The following SLC28A3 variants were observed in gnomAD, a reference collection of about 807,000 sequenced individuals.
The protein encoded by SLC28A3 is concentrative Na(+)-nucleoside cotransporter 3.
SLC28A3 carries 68 observed loss-of-function variants against 84.2 expected under a neutral mutation model. The observed-to-expected ratio is 0.81, with a 90% CI of 0.66 to 0.99. SLC28A3 has a LOEUF of 0.99. SLC28A3 is among the 50% of genes least tolerant of loss of function. The pLI, the probability that SLC28A3 is intolerant of heterozygous loss-of-function variation, is 0.00. For synonymous variants in SLC28A3, 267 were observed against 303.6 expected (o/e 0.88, Z 1.25); for missense variants, 712 against 841.5 (o/e 0.85, Z 1.90).
intron 1 of SLC28A3, among the ~76,000 whole-genome samples, chr9:84,315,078 C>CA (rs1327331243): frequency 6.7e-6 from 1 of 149,280 alleles, no homozygotes; most frequent in African/African-American, 2.5e-5. Context: ...GACTCAGTCT[C>CA]AAAAAACAAA....
chr9:84,279,854 A>G, intron 16 of SLC28A3, 121 bp downstream of exon 16: 1 of 874,134 alleles, frequency 1.1e-6, no homozygotes. Context: ...GCTTAAGAGC[A>G]GCTCTAACTC....
the SLC28A3 span, among the ~76,000 whole-genome samples, chr9:84,357,336 T>A: frequency 1.3e-5 from 2 of 152,194 alleles, no homozygotes; most frequent in Non-Finnish European, 2.9e-5. Flanking sequence ...CTTCCAAGAC[T>A]GTTTTGAGTC....
chr9:84,317,059 AT>A (rs1186127875), intron 1 of SLC28A3, among the ~76,000 whole-genome samples: 1 of 152,260 alleles, frequency 6.6e-6, no homozygotes, highest in African/African-American at 2.4e-5. Flanking sequence ...GGTGGGTACC[AT>A]GATCCACATT....
At chr9:84,294,947 G>A (rs760762843) in intron 8 of SLC28A3, among the ~76,000 whole-genome samples, 11 of 152,162 alleles carry the variant, frequency 7.2e-5, no homozygotes, top group Admixed American at 5.2e-4. Context: ...TGAAGGTTGG[G>A]AGGTGGAGGT....
the SLC28A3 span, among the ~76,000 whole-genome samples, chr9:84,360,890 C>A: frequency 1.7e-4 from 26 of 152,122 alleles, no homozygotes; most frequent in African/African-American, 6.0e-4. Flanking sequence ...GGTGACAGAG[C>A]AAGACCTTGT....
chr9:84,346,005 TC>T, the SLC28A3 span, among the ~76,000 whole-genome samples: 1 of 152,122 alleles, frequency 6.6e-6, no homozygotes, highest in Non-Finnish European at 1.5e-5. Context: ...TTTAAACAAT[TC>T]CCCAGTCATG....
At chr9:84,344,605 A>G (rs1455086898), upstream of SLC28A3, among the ~76,000 whole-genome samples, 1 of 152,202 alleles carries the variant, frequency 6.6e-6, no homozygotes, top group Non-Finnish European at 1.5e-5. Flanking sequence ...TTTCTTTGAC[A>G]TATTTTGAAA....
At chr9:84,281,172 C>T (rs925589717) in intron 14 of SLC28A3, among the ~76,000 whole-genome samples, 6 of 152,144 alleles carry the variant, frequency 3.9e-5, no homozygotes, top group Non-Finnish European at 7.3e-5. Flanking sequence ...TCTAATATTC[C>T]ATATGACCTG....
rs1825551326 is a variant in SLC28A3, at chr9:84,299,686, C to G, written c.564G>C (p.Trp188Cys). The change falls in exon 6 of 18, where the codon TGG (tryptophan) becomes TGC (cysteine). Residue 188 changes from tryptophan to cysteine, a missense_variant. Trp to Cys is a radical substitution (Grantham distance 215, BLOSUM62 -2). Transcript: ENST00000376238. ...CCAATTTGGCAGTGTCAAAGGCCAA[C>G]CAGAAAATAACTGCTAGGACCAGGG... is the stretch of plus-strand genomic sequence containing the variant. ...WSSLVLAVIFWLAFDTAKLGQ... is the reference protein window; with the variant it reads ...WSSLVLAVIFCLAFDTAKLGQ... 2 of 1,611,948 alleles carry G rather than the reference C, an allele frequency of 1.2e-6. No homozygotes were observed. The highest frequency in any genetic ancestry group is 2.2e-5 in the South Asian group (2 of 90,446).
At chr9:84,292,261 C>T (rs1002278192) in intron 10 of SLC28A3, among the ~76,000 whole-genome samples, 1 of 152,148 alleles carries the variant, frequency 6.6e-6, no homozygotes, top group Admixed American at 6.5e-5. Context: ...AGTGGAAGAG[C>T]TACCAGCCTC....
intron 1 of SLC28A3, among the ~76,000 whole-genome samples, chr9:84,340,320 G>A (rs1458080684): frequency 6.6e-6 from 1 of 151,968 alleles, no homozygotes; most frequent in Non-Finnish European, 1.5e-5. Flanking sequence ...AGCCAGAAGG[G>A]AAAAAAGGCA....
At chr9:84,280,231 T>C (rs1322368532) in intron 15 of SLC28A3, among the ~76,000 whole-genome samples, 158 bp from the exon 16 acceptor site, 1 of 151,440 alleles carries the variant, frequency 6.6e-6, no homozygotes, top group African/African-American at 2.4e-5. Context: ...AACTTAGTAA[T>C]AAACTCCACA....
rs758262359 is a variant in SLC28A3, at chr9:84,299,568, A to G, written c.669+13T>C. 1.9e-6 allele frequency: 3 copies of G among 1,613,700 alleles called. No individual in the cohort carries two copies. Among genetic ancestry groups the G allele is most frequent in the Middle Eastern group, 1.7e-4 (1 of 6,054 alleles). ...AAAGAAAAAAGAACCTAAAAGATCAACTGGATACTTACTCTGGTTGGGTAC... is the reference window on the plus strand; with the variant it reads ...AAAGAAAAAAGAACCTAAAAGATCAGCTGGATACTTACTCTGGTTGGGTAC... On this transcript the variant is annotated intron_variant, in intron 6 of 17. Coordinates refer to ENST00000376238, the MANE Select transcript of SLC28A3 (RefSeq NM_001199633.2).
the SLC28A3 span, among the ~76,000 whole-genome samples, chr9:84,367,971 G>T: frequency 6.6e-6 from 1 of 152,032 alleles, no homozygotes; most frequent in Non-Finnish European, 1.5e-5. Flanking sequence ...TATCTCAACC[G>T]CAAAGAGGCC....
chr9:84,285,655 C>G, intron 13 of SLC28A3, 113 bp from the exon 14 acceptor site: 1 of 1,154,676 alleles, frequency 8.7e-7, no homozygotes, highest in Non-Finnish European at 1.2e-6. Flanking sequence ...AAAGAAATTC[C>G]TTCTTCCCTT....
chr9:84,311,917 C>T (rs533714364), intron 2 of SLC28A3, among the ~76,000 whole-genome samples: 3 of 152,288 alleles, frequency 2.0e-5, no homozygotes, highest in Non-Finnish European at 4.4e-5. Context: ...CTTGAAAGCA[C>T]TATTTACTGT....
At chr9:84,339,374 C>T (rs1255820523) in intron 1 of SLC28A3, among the ~76,000 whole-genome samples, 6 of 152,070 alleles carry the variant, frequency 3.9e-5, no homozygotes, top group South Asian at 2.1e-4. Context: ...CTCGGCCTCC[C>T]GAGTAGCTGG....
chr9:84,285,365 C>A lies in SLC28A3; in HGVS notation c.1627G>T (p.Gly543Cys). The A allele has an allele frequency of 6.2e-7, 1 of 1,613,990 alleles. No homozygotes were observed. Among genetic ancestry groups the A allele is most frequent in the Non-Finnish European group, 8.5e-7 (1 of 1,179,970 alleles). The change falls in exon 14 of 18, where the codon GGT (glycine) becomes TGT (cysteine). Residue 543 changes from glycine (G) to cysteine (C), a missense_variant. Coordinates refer to ENST00000376238, the MANE Select transcript of SLC28A3 (RefSeq NM_001199633.2). ...RKEGGPKFVNGVQQYISIRSE... is the reference protein window; with the variant it reads ...RKEGGPKFVNCVQQYISIRSE... ...CTCACTGATATATATTGCTGCACAC[C>A]GTTTACAAATTTGGGTCCACCTTCT...
chr9:84,284,488 C>T (rs540091828), intron 14 of SLC28A3, among the ~76,000 whole-genome samples: 9 of 152,162 alleles, frequency 5.9e-5, no homozygotes, highest in Admixed American at 1.3e-4. Flanking sequence ...GACTCAGAAC[C>T]TTAGGCAGGC....
Sources: allele counts gnomAD v4.1 joint callset (sites outside exome capture counted in the v4.1 genomes callset), GRCh38; gene constraint gnomAD v4.1.1; transcripts MANE v1.5; gene names NCBI Gene and HGNC (gene_info 2026-07-23, HGNC 2026-07-21).